Variants in GP6 observed in about 807,000 individuals in gnomAD.
GP6 encodes the protein platelet glycoprotein VI.
In GP6, 45 loss-of-function variants were observed where a neutral mutation model predicts 37.3. The ratio of observed to expected loss-of-function variants is 1.21; its 90% CI spans 0.95 to 1.55. The LOEUF (loss-of-function observed/expected upper bound fraction) is 1.55. GP6 is among the 40% of genes most tolerant of loss of function. GP6 has a pLI of 0.00. For synonymous variants in GP6, 340 were observed against 316.4 expected, an observed-to-expected ratio of 1.07 and a Z score of -0.79; for missense variants, 813 against 760.2, an observed-to-expected ratio of 1.07 and a Z score of -0.82.
intron 3 of GP6, among the ~76,000 whole-genome samples, chr19:55,029,980 A>G (rs1317506691): frequency 6.6e-5 from 10 of 152,156 alleles, no homozygotes. Flanking sequence ...GGGTGGCGTG[A>G]GTGAGGCACT....
At chr19:55,037,122 C>T (rs559123441) in intron 1 of GP6, among the ~76,000 whole-genome samples, 2 of 152,316 alleles carry the variant, frequency 1.3e-5, no homozygotes, top group Non-Finnish European at 2.9e-5. Context: ...CAACCATCTT[C>T]TTCCTGCTTA....
intron 5 of GP6, among the ~76,000 whole-genome samples, chr19:55,019,169 G>C (rs1352354025): frequency 2.1e-5 from 3 of 145,924 alleles, no homozygotes; most frequent in South Asian, 4.3e-4. Context: ...GCAGTGGCGC[G>C]ATCTCAGCTC....
intron 1 of GP6, among the ~76,000 whole-genome samples, chr19:55,037,183 A>T (rs1456597413): frequency 1.3e-5 from 2 of 152,134 alleles, no homozygotes; most frequent in Non-Finnish European, 2.9e-5. Flanking sequence ...AGAAATCAGG[A>T]AATAATGCAT....
intron 3 of GP6, among the ~76,000 whole-genome samples, chr19:55,030,810 T>A (rs1183138102): frequency 6.6e-6 from 1 of 152,186 alleles, no homozygotes; most frequent in Non-Finnish European, 1.5e-5. Context: ...TCAAATAGCC[T>A]GGAGTTTACT....
chr19:55,016,757 T>TA (rs2073891252), intron 6 of GP6, among the ~76,000 whole-genome samples: 1 of 151,482 alleles, frequency 6.6e-6, no homozygotes, highest in Non-Finnish European at 1.5e-5. Context: ...CAAATATTAA[T>TA]AAGACATTGT....
intron 6 of GP6, 74 bp from the exon 7 acceptor site, chr19:55,015,807 A>C: frequency 1.2e-6 from 1 of 807,186 alleles, no homozygotes. Context: ...TACTCCGAAC[A>C]CACACACACA....
intron 6 of GP6, 145 bp downstream of exon 6, chr19:55,018,507 A>G: frequency 1.3e-6 from 1 of 757,834 alleles, no homozygotes; most frequent in Non-Finnish European, 2.4e-6. Flanking sequence ...CTCTGCACCC[A>G]TGCTCTAGCC....
intron 6 of GP6, 126 bp from the exon 7 acceptor site, chr19:55,015,859 C>T (rs2073855473): frequency 5.6e-6 from 4 of 717,126 alleles, no homozygotes; most frequent in East Asian, 2.6e-5. Flanking sequence ...AAGCATGGGC[C>T]GGGCACGGTG....
intron 5 of GP6, among the ~76,000 whole-genome samples, chr19:55,020,134 G>T (rs575693827): frequency 6.6e-6 from 1 of 151,660 alleles, no homozygotes; most frequent in Admixed American, 6.6e-5. Context: ...CTCAGCTCTC[G>T]GTGGCATAAT....
chr19:55,037,669 G>C (rs963878563), intron 1 of GP6, among the ~76,000 whole-genome samples: 1 of 93,090 alleles, frequency 1.1e-5, no homozygotes, highest in African/African-American at 4.2e-5. Flanking sequence ...GGCTCTCTCT[G>C]TTGCCCAGGC....
At position 55,027,645 on chromosome 19, in the gene GP6, G is replaced by A; in HGVS notation, c.543C>T (p.Tyr181=). Residue 181 remains tyrosine, a synonymous_variant, in exon 4 of 8, where the codon TAC becomes TAT. Coordinates refer to ENST00000310373, the MANE Select transcript of GP6 (RefSeq NM_001083899.2). Reference sequence around the variant, plus strand: ...GGTATGGGTCCCTGCTGGAGAAGCTGTAGCATCGGTAGGTTCCGCTGTGGG... The same window carrying A: ...GGTATGGGTCCCTGCTGGAGAAGCTATAGCATCGGTAGGTTCCGCTGTGGG... 1 of 1,612,990 alleles carries A rather than the reference G, an allele frequency of 6.2e-7. No homozygotes were observed. The highest frequency in any genetic ancestry group is 8.5e-7 in the Non-Finnish European group (1 of 1,178,920).
At position 55,015,010 on chromosome 19, in the gene GP6, G is replaced by A; in HGVS notation, c.935C>T (p.Ala312Val). Reference sequence around the variant, plus strand: ...CGGGTCAGCGGGAGGGGCGGGAGGGGCGGAAGCGGCCTCTGCACAGCCCTG... The same window carrying A: ...CGGGTCAGCGGGAGGGGCGGGAGGGACGGAAGCGGCCTCTGCACAGCCCTG... Residue 312 changes from alanine (A) to valine (V), a missense_variant, in exon 8 of 8, where the codon GCC becomes GTC. Transcript: ENST00000310373. 6.2e-7 allele frequency: 1 copy of A among 1,612,352 alleles called. No homozygotes were observed. Among genetic ancestry groups the A allele is most frequent in the Non-Finnish European group, 8.5e-7 (1 of 1,179,440 alleles).
chr19:55,015,573 A>T, intron 7 of GP6, 110 bp downstream of exon 7: 1 of 762,866 alleles, frequency 1.3e-6, no homozygotes, highest in East Asian at 2.5e-5. Context: ...TTTACTCTAC[A>T]CACTGGAACC....
intron 1 of GP6, among the ~76,000 whole-genome samples, chr19:55,034,746 A>C (rs375293851): frequency 9.6e-6 from 1 of 103,956 alleles, no homozygotes; most frequent in Non-Finnish European, 2.1e-5. Context: ...CACACACACA[A>C]AGGCGGGATA....
At chr19:55,019,330 C>T (rs1654417) in intron 5 of GP6, among the ~76,000 whole-genome samples, 11,487 of 151,854 alleles carry the variant, frequency 0.076, 553 homozygotes, top group Non-Finnish European at 0.11. Context: ...AGGATGGTCT[C>T]GATCTCCTGA....
At chr19:55,034,521 A>G (rs1477594026) in intron 1 of GP6, among the ~76,000 whole-genome samples, 5 of 150,808 alleles carry the variant, frequency 3.3e-5, no homozygotes, top group Admixed American at 2.0e-4. Flanking sequence ...ACGCCACTAC[A>G]CTCCAGCCTG....
In GP6 at chr19:55,018,882, G is replaced by C. The variant is rs888956576; in HGVS notation, c.665-171C>G. 7.4e-6 allele frequency: 5 copies of C among 680,128 alleles called. No individual in the cohort carries two copies. The African/African-American group carries it at 8.9e-5, about 12-fold the overall frequency. 42.1% of individuals were successfully genotyped at this position (680,128 alleles called of 1,614,324 possible). ...GTGTAAGACTTATCTTCCATGACCGGCTTAGTAAGAAGCAGATCCGTTCAG... is the reference window on the plus strand; with the variant it reads ...GTGTAAGACTTATCTTCCATGACCGCCTTAGTAAGAAGCAGATCCGTTCAG... On this transcript the variant is annotated intron_variant, in intron 5 of 7. Transcript: ENST00000310373.
At chr19:55,032,654 C>A (rs1300745954) in intron 1 of GP6, 116 bp from the exon 2 acceptor site, 1 of 1,079,150 alleles carries the variant, frequency 9.3e-7, no homozygotes, top group Non-Finnish European at 1.4e-6. Flanking sequence ...CTAATAATTT[C>A]TTCAAAAGAC....
chr19:55,032,305 G>T lies in GP6; in HGVS notation c.159C>A (p.Gly53=). ...GCTTCTCCAGGCGGTACAGGTCCAC[G>T]CCCGGAGGTCCCTGGCACCGGAGGG... Residue 53 remains glycine, a synonymous_variant, in exon 3 of 8, where the codon GGC becomes GGA. Transcript: ENST00000310373. The T allele has an allele frequency of 1.2e-6, 2 of 1,614,110 alleles. No individual in the cohort carries two copies. The highest frequency in any genetic ancestry group is 2.2e-5 in the South Asian group (2 of 91,086).
Sources: gnomAD v4.1 joint callset for allele counts (sites outside exome capture counted in the v4.1 genomes callset) on GRCh38, gnomAD v4.1.1 for gene constraint, MANE v1.5 for transcripts, NCBI Gene and HGNC (gene_info 2026-07-23, HGNC 2026-07-21) for gene names.